Variants in PTPRU observed in about 807,000 individuals in gnomAD.
PTPRU encodes the protein protein tyrosine phosphatase receptor type U, also known as receptor-type tyrosine-protein phosphatase U.
PTPRU carries 69 observed loss-of-function variants against 166.3 expected under a neutral mutation model. The observed-to-expected ratio is 0.41, with a 90% CI of 0.34 to 0.51. The LOEUF (loss-of-function observed/expected upper bound fraction) is 0.51, where lower values mean the gene tolerates loss of function less well. Ranked by LOEUF, PTPRU falls within the 20% of genes least tolerant of loss-of-function variation. The pLI is 0.09. For missense variants in PTPRU, 1,657 were observed against 2,013.7 expected (o/e 0.82, Z 3.39); for synonymous variants, 793 against 814.0 (o/e 0.97, Z 0.44).
intron 14 of PTPRU, among the ~76,000 whole-genome samples, chr1:29,285,874 G>A (rs928441667): frequency 2.0e-5 from 3 of 152,298 alleles, no homozygotes; most frequent in East Asian, 3.9e-4. Context: ...TGGTCCAAGC[G>A]CCTTAAATGA....
At position 29,271,768 on chromosome 1, in the gene PTPRU, A is replaced by G. The variant is rs1045977641; in HGVS notation, c.1145-3680A>G. ...CTGTTTGCCGTGGTCTTTACCCAGCATACGTCCCCCGTTTACATGGAACTT... is the reference window on the plus strand; with the variant it reads ...CTGTTTGCCGTGGTCTTTACCCAGCGTACGTCCCCCGTTTACATGGAACTT... On this transcript the variant is annotated intron_variant, in intron 7 of 29. Transcript: ENST00000373779. This position sits in a 1 kb window ranked among gnomAD's most constrained non-coding sequence, Gnocchi z 4.4. 6.6e-6 allele frequency among the ~76,000 whole-genome samples: 1 copy of G among 152,274 alleles called. No homozygotes were observed. Among genetic ancestry groups the G allele is most frequent in the African/African-American group, 2.4e-5 (1 of 41,538 alleles).
rs371317476 is a variant in PTPRU at position 29,255,373 on chromosome 1, C to G, written c.172C>G (p.Pro58Ala). Residue 58 changes from proline (P) to alanine (A), a missense_variant, in exon 2 of 30, where the codon CCT becomes GCT. Coordinates refer to ENST00000373779, the MANE Select transcript of PTPRU (RefSeq NM_133178.4). ...CCAGTGGGAGCAAGTGCGAATCCACCCTGGCACCCGGGCACCTGCGGACCT... is the reference window on the plus strand; with the variant it reads ...CCAGTGGGAGCAAGTGCGAATCCACGCTGGCACCCGGGCACCTGCGGACCT... ...DFQWEQVRIH[P>A]GTRAPADLPH... 4 of 1,614,030 alleles carry G rather than the reference C, an allele frequency of 2.5e-6. No homozygotes were observed. The highest frequency in any genetic ancestry group is 3.4e-6 in the Non-Finnish European group (4 of 1,180,026).
chr1:29,236,749 C>A lies in PTPRU; in HGVS notation c.73+32C>A. 1 of 1,395,088 alleles carries A rather than the reference C, an allele frequency of 7.2e-7. No individual in the cohort carries two copies. Among genetic ancestry groups the A allele is most frequent in the Admixed American group, 3.4e-5 (1 of 29,784 alleles). 86.4% of individuals were successfully genotyped at this position (1,395,088 alleles called of 1,614,324 possible). On this transcript the variant is annotated intron_variant, in intron 1 of 29. Coordinates refer to ENST00000373779, the MANE Select transcript of PTPRU (RefSeq NM_133178.4). This position sits in a 1 kb window ranked among gnomAD's most constrained non-coding sequence, Gnocchi z 4.6. ...GCGCGGCGGCCGGACCGAGCCTGCC[C>A]CGCCGAGCCTCGGGGCCCGTGGCGT...
Position 29,315,430 on chromosome 1 carries a change from G to A in PTPRU, c.3286G>A (p.Glu1096Lys). Reference protein sequence around the residue: ...IVLDVMLDMAECEGVVDIYNC... With the variant: ...IVLDVMLDMAKCEGVVDIYNC... ...CCTGGATGTGATGCTGGACATGGCAGAGTGTGAGGGCGTCGTGGACATTTA... is the reference window on the plus strand; with the variant it reads ...CCTGGATGTGATGCTGGACATGGCAAAGTGTGAGGGCGTCGTGGACATTTA... The change falls in exon 23 of 30, where the codon GAG becomes AAG. Residue 1096 changes from glutamate to lysine, a missense_variant. Around this residue, in one of 3 missense-constraint regions of PTPRU, gnomAD observed 1,190 missense variants for 1,477.4 expected, o/e 0.81. Transcript: ENST00000373779. This position sits in a 1 kb window ranked among gnomAD's most constrained non-coding sequence, Gnocchi z 4.5. 6.2e-7 allele frequency: 1 copy of A among 1,614,268 alleles called. No individual in the cohort carries two copies. Among genetic ancestry groups the A allele is most frequent in the South Asian group, 1.1e-5 (1 of 91,086 alleles).
rs560260193 is a variant in PTPRU at position 29,317,976 on chromosome 1, G to A, written c.3687+55G>A. The stretch of plus-strand genomic sequence containing the variant: ...GGCTCCCCTTCCCAGCAGCATCAGG[G>A]AAGGTCCAGGGGCCACGGGAACAAA... On this transcript the variant is annotated intron_variant, in intron 25 of 29. Transcript: ENST00000373779. The surrounding 1 kb of genome is among the most constrained non-coding windows in gnomAD (Gnocchi z 5.6). The A allele has an allele frequency of 6.3e-7, 1 of 1,594,208 alleles. No individual in the cohort carries two copies. Among genetic ancestry groups the A allele is most frequent in the Non-Finnish European group, 8.6e-7 (1 of 1,168,030 alleles).
intron 26 of PTPRU, among the ~76,000 whole-genome samples, chr1:29,322,740 G>A (rs1335980425): frequency 1.3e-5 from 2 of 152,110 alleles, no homozygotes; most frequent in African/African-American, 2.4e-5. Flanking sequence ...GCTGAGACTA[G>A]AAACTGAGGC....
intron 25 of PTPRU, among the ~76,000 whole-genome samples, chr1:29,319,928 C>T (rs1688078535): frequency 6.6e-6 from 1 of 151,660 alleles, no homozygotes; most frequent in Non-Finnish European, 1.5e-5. Context: ...CGGGTGCCAG[C>T]CCCCCTGGCA....
At chr1:29,316,908 T>A (rs1394148122) in intron 24 of PTPRU, among the ~76,000 whole-genome samples, 1 of 151,950 alleles carries the variant, frequency 6.6e-6, no homozygotes, top group South Asian at 2.1e-4. Flanking sequence ...ATCACATGGC[T>A]GAGATGGGAA....
intron 26 of PTPRU, among the ~76,000 whole-genome samples, chr1:29,321,889 C>T (rs762878485): frequency 2.0e-5 from 3 of 152,196 alleles, no homozygotes; most frequent in Admixed American, 6.5e-5. Flanking sequence ...CTCTGACTCC[C>T]CTGTTTCCCT....
chr1:29,261,751 A>T (rs559946065), intron 7 of PTPRU, among the ~76,000 whole-genome samples: 1 of 152,140 alleles, frequency 6.6e-6, no homozygotes, highest in East Asian at 1.9e-4. Flanking sequence ...CAGGCTGGTC[A>T]CAAACTCCTG....
Position 29,311,835 on chromosome 1 carries a change from C to T in PTPRU, c.3072+76C>T. 7.0e-7 allele frequency: 1 copy of T among 1,419,492 alleles called. No individual in the cohort carries two copies. The highest frequency in any genetic ancestry group is 2.3e-5 in the East Asian group (1 of 43,928). 87.9% of individuals were successfully genotyped at this position (1,419,492 alleles called of 1,614,324 possible). On this transcript the variant is annotated intron_variant, in intron 21 of 29. Coordinates refer to ENST00000373779, the MANE Select transcript of PTPRU (RefSeq NM_133178.4). This position sits in a 1 kb window ranked among gnomAD's most constrained non-coding sequence, Gnocchi z 4.1. ...AGAGCCCACTCCCACTTCCCCCAGCCCTGGGAGCAGGAGGGTGAGGAGCGC... is the reference window on the plus strand; with the variant it reads ...AGAGCCCACTCCCACTTCCCCCAGCTCTGGGAGCAGGAGGGTGAGGAGCGC...
At chr1:29,313,359 G>A (rs998617336) in intron 22 of PTPRU, among the ~76,000 whole-genome samples, 1 of 152,168 alleles carries the variant, frequency 6.6e-6, no homozygotes, top group African/African-American at 2.4e-5. Flanking sequence ...CCCAAATGCC[G>A]CATGGTAGAG....
Position 29,257,128 on chromosome 1 carries a change from G to T in PTPRU, c.206-1377G>T, listed in dbSNP as rs1345176581. ...GGGAGGGATGTAGTGAGCCGAGGAGGAGGCAGAGGGAGCAGGAGGAGGAGG... is the reference window on the plus strand; with the variant it reads ...GGGAGGGATGTAGTGAGCCGAGGAGTAGGCAGAGGGAGCAGGAGGAGGAGG... On this transcript the variant is annotated intron_variant, in intron 2 of 29. Transcript: ENST00000373779. This position sits in a 1 kb window ranked among gnomAD's most constrained non-coding sequence, Gnocchi z 4.6. Among the ~76,000 whole-genome samples the T allele has an allele frequency of 6.6e-6, 1 of 152,130 alleles. No homozygotes were observed. The highest frequency in any genetic ancestry group is 1.9e-4 in the East Asian group (1 of 5,194).
intron 2 of PTPRU, among the ~76,000 whole-genome samples, 166 bp downstream of exon 2, chr1:29,255,572 C>A (rs147969419): frequency 6.6e-6 from 1 of 152,342 alleles, no homozygotes; most frequent in African/African-American, 2.4e-5. Flanking sequence ...TGGACACTGT[C>A]TAATTGTGCA....
intron 28 of PTPRU, among the ~76,000 whole-genome samples, chr1:29,324,541 A>T (rs10915253): frequency 0.39 from 59,465 of 152,024 alleles, 11,797 homozygotes; most frequent in East Asian, 0.54. Context: ...TGTGCCCACG[A>T]TGCCAGGTGG....
intron 8 of PTPRU, among the ~76,000 whole-genome samples, chr1:29,278,039 C>T (rs1395200490): frequency 6.6e-6 from 1 of 151,708 alleles, no homozygotes; most frequent in South Asian, 2.1e-4. Flanking sequence ...AGGCTGGTCT[C>T]GAACTCCTGA....
Position 29,315,623 on chromosome 1 carries a change from C to T in PTPRU, c.3363+116C>T. 7 of 1,436,574 alleles carry T rather than the reference C, an allele frequency of 4.9e-6. No individual in the cohort carries two copies. Among genetic ancestry groups the T allele is most frequent in the Non-Finnish European group, 4.8e-6 (5 of 1,042,326 alleles). 89.0% of individuals were successfully genotyped at this position (1,436,574 alleles called of 1,614,324 possible). A position where few individuals can be genotyped will look rare whatever the true frequency, so the allele number is the denominator to read the frequency against. On this transcript the variant is annotated intron_variant, in intron 23 of 29. Transcript: ENST00000373779. The surrounding 1 kb of genome is among the most constrained non-coding windows in gnomAD (Gnocchi z 4.5). ...GGGTGTCCTGAGGCTCTTGCCTTCC[C>T]TCAGATCATCCCTGACCTTGGGCCG...
chr1:29,278,720 A>C (rs563169602), intron 8 of PTPRU, among the ~76,000 whole-genome samples: 3 of 152,248 alleles, frequency 2.0e-5, no homozygotes, highest in Non-Finnish European at 2.9e-5. Flanking sequence ...TCTCTCCTGA[A>C]TGCAACCTAC....
chr1:29,320,590 C>G lies in PTPRU; in HGVS notation c.3688-95C>G, dbSNP rs776509169. On this transcript the variant is annotated intron_variant, in intron 25 of 29. Transcript: ENST00000373779. The surrounding 1 kb of genome is among the most constrained non-coding windows in gnomAD (Gnocchi z 5.2). ...TCCTGTGGGGCACAACCGTCCAACT[C>G]AGGGTGGGCAGTGCGGGAAGACAGC... 5.8e-6 allele frequency: 8 copies of G among 1,368,116 alleles called. No individual in the cohort carries two copies. The highest frequency in any genetic ancestry group is 1.5e-5 in the African/African-American group (1 of 68,352). The allele number at this position is 1,368,116 out of a possible 1,614,324, so 84.7% of individuals were successfully genotyped here. A position where few individuals can be genotyped will look rare whatever the true frequency, so the allele number is the denominator to read the frequency against.
Sources: gnomAD v4.1 joint callset for allele counts (sites outside exome capture counted in the v4.1 genomes callset) on GRCh38, gnomAD v4.1.1 for gene constraint, gnomAD v4.1.1 regional missense constraint, Gnocchi (gnomAD v3.1) non-coding constraint, MANE v1.5 for transcripts, NCBI Gene and HGNC (gene_info 2026-07-23, HGNC 2026-07-21) for gene names.